The following XYLB variants were observed in gnomAD, a reference collection of about 807,000 sequenced individuals.
XYLB encodes the protein xylulose kinase.
A neutral mutation model predicts 78.7 loss-of-function variants in XYLB; 62 were observed. The ratio of observed to expected loss-of-function variants is 0.79; its 90% CI spans 0.64 to 0.97. XYLB has a LOEUF of 0.97. XYLB is among the 50% of genes least tolerant of loss of function. The pLI, the probability that XYLB is intolerant of heterozygous loss-of-function variation, is 0.00. For missense variants in XYLB, 687 were observed against 676.8 expected, an observed-to-expected ratio of 1.02 and a Z score of -0.17; for synonymous variants, 245 against 247.4, an observed-to-expected ratio of 0.99 and a Z score of 0.09.
chr3:38,429,561 T>A, the XYLB span, among the ~76,000 whole-genome samples: 2 of 152,146 alleles, frequency 1.3e-5, no homozygotes, highest in Non-Finnish European at 2.9e-5. Context: ...CTCTCTTTTT[T>A]GAATTTTTTA....
At chr3:38,395,365 T>A in intron 15 of XYLB, 140 bp from the exon 16 acceptor site, 1 of 742,652 alleles carries the variant, frequency 1.3e-6, no homozygotes, top group Non-Finnish European at 2.3e-6. Flanking sequence ...CAGCTTTGGA[T>A]CTCTCCCGTA....
intron 2 of XYLB, among the ~76,000 whole-genome samples, chr3:38,350,219 T>G (rs762889401): frequency 1.3e-5 from 2 of 152,214 alleles, no homozygotes; most frequent in Non-Finnish European, 2.9e-5. Context: ...CCCCAGCTAA[T>G]GCGGCCCCAT....
At chr3:38,356,005 C>T in intron 2 of XYLB, 1 of 516,762 alleles carries the variant, frequency 1.9e-6, no homozygotes, top group East Asian at 3.1e-5. Context: ...AATCCCAGCA[C>T]TTTGGGATTA....
chr3:38,411,699 A>G (rs1351013931), intron 18 of XYLB, among the ~76,000 whole-genome samples: 1 of 151,784 alleles, frequency 6.6e-6, no homozygotes, highest in Non-Finnish European at 1.5e-5. Flanking sequence ...ACCTTTGGTT[A>G]ACTTTCTAGC....
chr3:38,389,158 G>T (rs149740), intron 15 of XYLB, among the ~76,000 whole-genome samples: 54,480 of 141,512 alleles, frequency 0.38, 11,224 homozygotes, highest in East Asian at 0.51. Flanking sequence ...TAACGAGCAT[G>T]CTGCCTTCAA....
intron 18 of XYLB, among the ~76,000 whole-genome samples, chr3:38,411,208 G>T (rs555519909): frequency 5.1e-4 from 78 of 152,186 alleles, no homozygotes; most frequent in African/African-American, 1.7e-3. Flanking sequence ...CCATAAAAAA[G>T]GATGATTTCA....
At chr3:38,434,950 T>C in the XYLB span, among the ~76,000 whole-genome samples, 1 of 152,096 alleles carries the variant, frequency 6.6e-6, no homozygotes, top group South Asian at 2.1e-4. Flanking sequence ...CTGGCTAACA[T>C]AGCAAAACCC....
At chr3:38,354,786 G>C (rs1705558859) in intron 2 of XYLB, among the ~76,000 whole-genome samples, 1 of 152,180 alleles carries the variant, frequency 6.6e-6, no homozygotes, top group Non-Finnish European at 1.5e-5. Flanking sequence ...TTACAGGCGT[G>C]AGCCACCACA....
chr3:38,410,604 A>C (rs1466706274), intron 18 of XYLB, among the ~76,000 whole-genome samples: 3 of 152,242 alleles, frequency 2.0e-5, no homozygotes, highest in Non-Finnish European at 2.9e-5. Context: ...GGTAACCTAC[A>C]AAATGGGAGA....
At chr3:38,371,563 C>T (rs1362552224) in intron 9 of XYLB, among the ~76,000 whole-genome samples, 5 of 152,094 alleles carry the variant, frequency 3.3e-5, no homozygotes, top group African/African-American at 9.7e-5. Context: ...CGTGAGCCAC[C>T]GCACCCGGCC....
At chr3:38,418,017 C>T (rs1708854711), downstream of XYLB, among the ~76,000 whole-genome samples, 1 of 150,958 alleles carries the variant, frequency 6.6e-6, no homozygotes, top group Non-Finnish European at 1.5e-5. Context: ...CATGGTGAAA[C>T]CCCGTCTCTA....
chr3:38,383,983 C>T (rs1043274896), intron 15 of XYLB, among the ~76,000 whole-genome samples: 2 of 152,080 alleles, frequency 1.3e-5, no homozygotes, highest in African/African-American at 4.8e-5. Flanking sequence ...TGTGGTGCTG[C>T]GTATGATGGC....
intron 2 of XYLB, chr3:38,356,911 A>G (rs890142812): frequency 5.9e-5 from 9 of 152,228 alleles, no homozygotes; most frequent in African/African-American, 1.9e-4. Flanking sequence ...CTTTAGGTAG[A>G]TAATTAAGGT....
At chr3:38,384,427 C>G (rs747779213) in intron 15 of XYLB, among the ~76,000 whole-genome samples, 3 of 152,134 alleles carry the variant, frequency 2.0e-5, no homozygotes, top group Non-Finnish European at 2.9e-5. Flanking sequence ...TGAATTATTT[C>G]CCCAGGAGGA....
downstream of XYLB, among the ~76,000 whole-genome samples, chr3:38,422,841 C>T (rs1376711658): frequency 4.0e-5 from 6 of 151,842 alleles, no homozygotes; most frequent in Non-Finnish European, 8.8e-5. Context: ...CCAGTTCAAG[C>T]GGAAGGAAAA....
chr3:38,411,290 A>G (rs919243513), intron 18 of XYLB, among the ~76,000 whole-genome samples: 2 of 152,166 alleles, frequency 1.3e-5, no homozygotes, highest in African/African-American at 4.8e-5. Context: ...ACAAAAAACC[A>G]AACACCACAT....
chr3:38,382,702 A>G (rs1033990046), intron 15 of XYLB, among the ~76,000 whole-genome samples: 5 of 152,200 alleles, frequency 3.3e-5, no homozygotes, highest in African/African-American at 1.2e-4. Flanking sequence ...CGGCTGTCAG[A>G]AGAGAACCCC....
At chr3:38,373,584 T>A (rs1328864107) in intron 10 of XYLB, among the ~76,000 whole-genome samples, 1 of 152,174 alleles carries the variant, frequency 6.6e-6, no homozygotes, top group Non-Finnish European at 1.5e-5. Flanking sequence ...GTGGTGTTGC[T>A]TCAGTGTTTG....
chr3:38,384,863 T>G (rs918624441), intron 15 of XYLB, among the ~76,000 whole-genome samples: 1 of 152,222 alleles, frequency 6.6e-6, no homozygotes, highest in Middle Eastern at 3.2e-3. Context: ...ATTCTATGTG[T>G]TATTCTGAGA....
Sources: allele counts gnomAD v4.1 joint callset (sites outside exome capture counted in the v4.1 genomes callset), GRCh38; gene constraint gnomAD v4.1.1; transcripts MANE v1.5; gene names NCBI Gene and HGNC (gene_info 2026-07-23, HGNC 2026-07-21).